CLVS1: variants seen among roughly 807,000 people sequenced by gnomAD.
CLVS1 encodes clavesin 1, also known as clavesin-1.
CLVS1 carries 10 observed loss-of-function variants against 33.1 expected under a neutral mutation model. That is an observed-to-expected ratio of 0.30 (90% CI 0.19 to 0.51). CLVS1 has a LOEUF of 0.51. CLVS1 is among the 20% of genes least tolerant of loss of function. CLVS1 has a pLI of 0.97. For synonymous variants in CLVS1, 163 were observed against 166.1 expected, an observed-to-expected ratio of 0.98 and a Z score of 0.14; for missense variants, 343 against 433.4, an observed-to-expected ratio of 0.79 and a Z score of 1.85.
chr8:61,425,597 C>T (rs1815857207), intron 3 of CLVS1, among the ~76,000 whole-genome samples: 1 of 152,188 alleles, frequency 6.6e-6, no homozygotes, highest in Non-Finnish European at 1.5e-5. Flanking sequence ...TGACCATTAG[C>T]AGTCACCCCC....
the CLVS1 span, among the ~76,000 whole-genome samples, chr8:61,049,001 A>G: frequency 6.6e-6 from 1 of 152,220 alleles, no homozygotes; most frequent in Non-Finnish European, 1.5e-5. Flanking sequence ...AGCCACCAGA[A>G]GGGTCCAGAA....
At chr8:61,412,674 G>GTAAC (rs1373181371) in intron 3 of CLVS1, among the ~76,000 whole-genome samples, 1 of 152,198 alleles carries the variant, frequency 6.6e-6, no homozygotes, top group Non-Finnish European at 1.5e-5. Flanking sequence ...CACTGGTAAT[G>GTAAC]TAACAACAGT....
At chr8:61,290,582 C>A (rs1809950348) in intron 1 of CLVS1, among the ~76,000 whole-genome samples, 1 of 152,296 alleles carries the variant, frequency 6.6e-6, no homozygotes, top group African/African-American at 2.4e-5. Flanking sequence ...TGTCTGCTCA[C>A]TTCTGAAGGT....
Position 61,454,158 on chromosome 8 carries a change from C to T in CLVS1, c.648C>T (p.Arg216=). ...IEGLQDSFPA[R]FGGVHFVNQP... ...TGCCCCAGGACAGCTTTCCTGCCCG[C>T]TTTGGAGGAGTCCACTTTGTCAACC... Residue 216 remains arginine (R), a synonymous_variant, in exon 4 of 6, where the codon CGC becomes CGT. Coordinates refer to ENST00000325897, the MANE Select transcript of CLVS1 (RefSeq NM_173519.3). The T allele has an allele frequency of 1.2e-6, 2 of 1,613,978 alleles. No homozygotes were observed. The highest frequency in any genetic ancestry group is 1.7e-6 in the Non-Finnish European group (2 of 1,179,872).
chr8:61,196,141 T>C (rs1807602018), intron 2 of CLVS1, among the ~76,000 whole-genome samples: 1 of 152,240 alleles, frequency 6.6e-6, no homozygotes, highest in African/African-American at 2.4e-5. Flanking sequence ...ATTTAACAAA[T>C]ATTTATTGAA....
At chr8:61,193,369 G>A (rs201611869) in intron 2 of CLVS1, among the ~76,000 whole-genome samples, 9 of 152,180 alleles carry the variant, frequency 5.9e-5, no homozygotes, top group East Asian at 1.9e-4. Flanking sequence ...TGGGCCTGTC[G>A]TAGGGCGGGG....
At chr8:61,494,207 C>A (rs1245350461) in intron 5 of CLVS1, among the ~76,000 whole-genome samples, 1 of 151,860 alleles carries the variant, frequency 6.6e-6, no homozygotes, top group African/African-American at 2.4e-5. Flanking sequence ...AAACCACAGC[C>A]ATAGATGCTT....
At chr8:61,464,637 G>A (rs1263275232) in intron 5 of CLVS1, 1 of 152,248 alleles carries the variant, frequency 6.6e-6, no homozygotes, top group Non-Finnish European at 1.5e-5. Flanking sequence ...CCCAGGGTTT[G>A]GAGGAGTATT....
chr8:61,335,769 C>A (rs1356860256), intron 2 of CLVS1, among the ~76,000 whole-genome samples: 1 of 151,942 alleles, frequency 6.6e-6, no homozygotes, highest in Non-Finnish European at 1.5e-5. Context: ...CAGACCACTG[C>A]AAAACCAATT....
chr8:61,410,720 C>A (rs765044485), intron 3 of CLVS1, among the ~76,000 whole-genome samples: 1 of 152,190 alleles, frequency 6.6e-6, no homozygotes, highest in African/African-American at 2.4e-5. Context: ...TGGCTCACTG[C>A]AGCCTCCGCC....
intron 2 of CLVS1, among the ~76,000 whole-genome samples, chr8:61,367,109 C>T (rs567741980): frequency 5.3e-5 from 8 of 152,106 alleles, no homozygotes; most frequent in Non-Finnish European, 1.0e-4. Flanking sequence ...TTCCATTCAA[C>T]TCTCACCCAG....
chr8:61,323,163 G>A (rs1365284537), intron 2 of CLVS1, among the ~76,000 whole-genome samples: 3 of 152,132 alleles, frequency 2.0e-5, no homozygotes, highest in Non-Finnish European at 2.9e-5. Context: ...TTGGGAGCAG[G>A]GAGAGTGTCA....
At chr8:61,336,730 C>T (rs1019993915) in intron 2 of CLVS1, among the ~76,000 whole-genome samples, 1 of 151,920 alleles carries the variant, frequency 6.6e-6, no homozygotes, top group Non-Finnish European at 1.5e-5. Flanking sequence ...TAAAGAATAG[C>T]CTAGAAAAAA....
At chr8:61,142,458 G>A (rs993882721) in intron 2 of CLVS1, among the ~76,000 whole-genome samples, 1 of 152,208 alleles carries the variant, frequency 6.6e-6, no homozygotes, top group East Asian at 1.9e-4. Context: ...TGGGACGTTG[G>A]CCTTGCCATG....
chr8:61,331,541 A>AC (rs1286000776), intron 2 of CLVS1, among the ~76,000 whole-genome samples: 1 of 151,108 alleles, frequency 6.6e-6, no homozygotes. Flanking sequence ...TAAAAAAAAA[A>AC]AACTCTTTTC....
intron 2 of CLVS1, among the ~76,000 whole-genome samples, chr8:61,233,100 T>G (rs945542783): frequency 4.3e-4 from 65 of 152,354 alleles, no homozygotes; most frequent in African/African-American, 1.6e-3. Context: ...AACAGGCATA[T>G]GAACATTTGA....
intron 5 of CLVS1, chr8:61,465,160 C>T (rs1449394512): frequency 6.6e-6 from 1 of 152,250 alleles, no homozygotes; most frequent in Non-Finnish European, 1.5e-5. Context: ...TGACATAGGT[C>T]TGCCCTCTGA....
At chr8:61,447,838 G>A (rs774499510) in intron 3 of CLVS1, among the ~76,000 whole-genome samples, 4 of 152,026 alleles carry the variant, frequency 2.6e-5, no homozygotes, top group Non-Finnish European at 5.9e-5. Flanking sequence ...CTTCCTTCCT[G>A]ATGATTCGAA....
chr8:61,456,110 C>T (rs73685050), intron 4 of CLVS1, among the ~76,000 whole-genome samples: 2,485 of 152,268 alleles, frequency 0.016, 74 homozygotes, highest in African/African-American at 0.056. Flanking sequence ...ATTCCTCCCA[C>T]GGTGGACACT....
Sources: gnomAD v4.1 joint callset for allele counts (sites outside exome capture counted in the v4.1 genomes callset) on GRCh38, gnomAD v4.1.1 for gene constraint, MANE v1.5 for transcripts, NCBI Gene and HGNC (gene_info 2026-07-23, HGNC 2026-07-21) for gene names.